The following INPP4B variants were observed in gnomAD, a reference collection of about 807,000 sequenced individuals.
The protein encoded by INPP4B is inositol polyphosphate 4-phosphatase type II.
INPP4B carries 55 observed loss-of-function variants against 122.5 expected under a neutral mutation model. That is an observed-to-expected ratio of 0.45 (90% CI 0.36 to 0.56). The LOEUF is 0.56. Ranked by LOEUF, INPP4B falls within the 20% of genes least tolerant of loss-of-function variation. INPP4B has a pLI of 0.00. For missense variants in INPP4B, 1,000 were observed against 1,097.7 expected, an observed-to-expected ratio of 0.91 and a Z score of 1.26; for synonymous variants, 403 against 388.7, an observed-to-expected ratio of 1.04 and a Z score of -0.43.
chr4:142,316,849 C>T (rs1767896135), intron 7 of INPP4B, among the ~76,000 whole-genome samples: 1 of 152,116 alleles, frequency 6.6e-6, no homozygotes, highest in African/African-American at 2.4e-5. Flanking sequence ...TGATGCTTTT[C>T]TTATGTAAAA....
At chr4:142,469,726 T>C (rs182957590) in intron 2 of INPP4B, among the ~76,000 whole-genome samples, 133 of 152,284 alleles carry the variant, frequency 8.7e-4, no homozygotes, top group Middle Eastern at 3.4e-3. Flanking sequence ...ATGCCTGTCA[T>C]ATGCCAAGCA....
intron 25 of INPP4B, among the ~76,000 whole-genome samples, chr4:142,066,683 C>A (rs1427990831): frequency 6.6e-6 from 1 of 152,232 alleles, no homozygotes; most frequent in Non-Finnish European, 1.5e-5. Context: ...ATATCCCGTG[C>A]ATGGCTCCGA....
chr4:142,161,863 T>A (rs933406852), intron 16 of INPP4B, among the ~76,000 whole-genome samples: 1 of 151,876 alleles, frequency 6.6e-6, no homozygotes, highest in African/African-American at 2.4e-5. Flanking sequence ...AGTGTGGTGA[T>A]ATGTTTTAGG....
At chr4:142,777,770 C>G (rs1283008935) in intron 1 of INPP4B, among the ~76,000 whole-genome samples, 4 of 152,180 alleles carry the variant, frequency 2.6e-5, no homozygotes, top group African/African-American at 7.2e-5. Flanking sequence ...TTCCAGAACA[C>G]AAAGTTCTGG....
chr4:142,377,428 CA>C (rs1792343339), intron 7 of INPP4B, among the ~76,000 whole-genome samples: 1 of 151,914 alleles, frequency 6.6e-6, no homozygotes, highest in Non-Finnish European at 1.5e-5. Context: ...AATGATGTCT[CA>C]AATATCAAAC....
intron 9 of INPP4B, among the ~76,000 whole-genome samples, chr4:142,290,302 G>A (rs1190976954): frequency 7.0e-6 from 1 of 142,594 alleles, no homozygotes; most frequent in South Asian, 2.2e-4. Context: ...TGCTACCCAG[G>A]TTCAAGCGAT....
chr4:142,417,806 G>C (rs1038938520), intron 5 of INPP4B, among the ~76,000 whole-genome samples: 1 of 152,088 alleles, frequency 6.6e-6, no homozygotes, highest in Non-Finnish European at 1.5e-5. Context: ...CTCTCAGGCT[G>C]GCAGTCCAAA....
rs778368542 is a variant in INPP4B, at chr4:142,260,505, A to G, written c.675T>C (p.Pro225=). Residue 225 remains proline, a synonymous_variant, in exon 11 of 26, where the codon CCT becomes CCC. Transcript: ENST00000262992. ...TGAGTTACATACCTGAATTCAAAAA[A>G]GGTAAGTTATCTTTTCCGCTCACAC... ...PESVSGKDNL[P]FLNSVLKNPV... is the part of the protein sequence containing the mutation. 1.2e-6 allele frequency: 2 copies of G among 1,603,404 alleles called. No individual in the cohort carries two copies. The highest frequency in any genetic ancestry group is 1.7e-5 in the Admixed American group (1 of 59,774).
chr4:142,528,727 T>C (rs1580293732), intron 2 of INPP4B, among the ~76,000 whole-genome samples: 1 of 152,098 alleles, frequency 6.6e-6, no homozygotes, highest in Non-Finnish European at 1.5e-5. Flanking sequence ...AGCAAAGCAC[T>C]TGTGTGACCG....
intron 9 of INPP4B, among the ~76,000 whole-genome samples, chr4:142,274,536 C>T (rs1326917622): frequency 6.6e-6 from 1 of 151,738 alleles, no homozygotes; most frequent in East Asian, 1.9e-4. Context: ...AAATGTATGA[C>T]AAATCTGGAA....
At chr4:142,618,075 A>G (rs964567510) in intron 2 of INPP4B, among the ~76,000 whole-genome samples, 1 of 152,198 alleles carries the variant, frequency 6.6e-6, no homozygotes, top group Non-Finnish European at 1.5e-5. Context: ...TATATACTTC[A>G]TGTGCTATAG....
intron 14 of INPP4B, among the ~76,000 whole-genome samples, chr4:142,203,617 AAACTT>A (rs909708226): frequency 3.9e-5 from 6 of 152,180 alleles, no homozygotes; most frequent in South Asian, 4.1e-4. Context: ...TAAGGATGAA[AAACTT>A]AACTTAATGA....
At chr4:142,624,307 T>C (rs1354990481) in intron 2 of INPP4B, among the ~76,000 whole-genome samples, 1 of 151,830 alleles carries the variant, frequency 6.6e-6, no homozygotes, top group Non-Finnish European at 1.5e-5. Flanking sequence ...TTTGCATTTC[T>C]CTGATGGCCA....
chr4:142,122,309 T>C, intron 20 of INPP4B, 64 bp from the exon 21 acceptor site: 1 of 1,141,900 alleles, frequency 8.8e-7, no homozygotes, highest in Non-Finnish European at 1.3e-6. Flanking sequence ...CTAGCTACTA[T>C]GCCTCCCTGC....
At chr4:142,076,827 TATA>T (rs1242948570) in intron 25 of INPP4B, among the ~76,000 whole-genome samples, 3 of 152,094 alleles carry the variant, frequency 2.0e-5, no homozygotes, top group Non-Finnish European at 4.4e-5. Flanking sequence ...TGAAATAGGA[TATA>T]ATATGAAATA....
chr4:142,050,511 A>T (rs542525141), intron 25 of INPP4B, among the ~76,000 whole-genome samples: 1 of 152,188 alleles, frequency 6.6e-6, no homozygotes, highest in South Asian at 2.1e-4. Flanking sequence ...CACTGTACAC[A>T]GCACATAGTG....
At chr4:142,642,751 G>T (rs1230328537) in intron 2 of INPP4B, among the ~76,000 whole-genome samples, 2 of 152,122 alleles carry the variant, frequency 1.3e-5, no homozygotes, top group Non-Finnish European at 2.9e-5. Context: ...GGTGATGCGG[G>T]CTCTTTTTTG....
chr4:142,599,130 G>T (rs1739338125), intron 2 of INPP4B, among the ~76,000 whole-genome samples: 1 of 152,094 alleles, frequency 6.6e-6, no homozygotes, highest in African/African-American at 2.4e-5. Flanking sequence ...TGATCATCTT[G>T]CCACAGCTAC....
In INPP4B at chr4:142,840,515, G is replaced by A. The variant is rs568142703; in HGVS notation, c.-254+5694C>T. 1.1e-4 allele frequency among the ~76,000 whole-genome samples: 17 copies of A among 151,902 alleles called. 1 individual carries two copies. In the South Asian group the frequency reaches 3.5e-3, roughly 32 times the overall value. ...TCACATAAGCAGATCTCACATAAAA[G>A]CAGAGTGTGTTAAATATTACAATCA... On this transcript the variant is annotated intron_variant, in intron 1 of 25. Coordinates refer to ENST00000262992, the MANE Select transcript of INPP4B (RefSeq NM_001101669.3).
Sources: allele counts gnomAD v4.1 joint callset (sites outside exome capture counted in the v4.1 genomes callset), GRCh38; gene constraint gnomAD v4.1.1; transcripts MANE v1.5; gene names NCBI Gene and HGNC (gene_info 2026-07-23, HGNC 2026-07-21).